CDK12: variants seen among roughly 807,000 people sequenced by gnomAD.
CDK12 encodes the protein cyclin dependent kinase 12, also known as cyclin-dependent kinase 12.
CDK12 carries 17 observed loss-of-function variants against 133.8 expected under a neutral mutation model. The ratio of observed to expected loss-of-function variants is 0.13; its 90% CI spans 0.09 to 0.19. CDK12 has a LOEUF of 0.19. Ranked by LOEUF, CDK12 falls within the 10% of genes least tolerant of loss-of-function variation. The pLI is 1.00. For synonymous variants in CDK12, 694 were observed against 683.6 expected (o/e 1.02, Z -0.24); for missense variants, 1,508 against 1,818.7 (o/e 0.83, Z 3.11).
intron 3 of CDK12, among the ~76,000 whole-genome samples, chr17:39,558,249 C>T (rs1181573063): frequency 6.6e-6 from 1 of 152,176 alleles, no homozygotes; most frequent in Admixed American, 6.5e-5. Flanking sequence ...ATCAGTTACC[C>T]CATTCCTATG....
chr17:39,471,594 A>C lies in CDK12; in HGVS notation c.1762A>C (p.Thr588Pro). ...ASSTSTLPPS[T>P]HSKTSAVSSQ... The stretch of plus-strand genomic sequence containing the variant: ...CAGTACTTCAACTTTGCCCCCTTCT[A>C]CTCACTCAAAGACATCTGCTGTGTC... The change falls in exon 2 of 14, where the codon ACT becomes CCT. Residue 588 changes from threonine to proline, a missense_variant. Thr to Pro is a conservative substitution (Grantham distance 38, BLOSUM62 -1). Transcript: ENST00000447079. The C allele has an allele frequency of 1.2e-6, 2 of 1,613,954 alleles. No individual in the cohort carries two copies. The highest frequency in any genetic ancestry group is 1.7e-6 in the Non-Finnish European group (2 of 1,180,002).
upstream of CDK12, among the ~76,000 whole-genome samples, chr17:39,543,799 A>C (rs2055540994): frequency 6.6e-6 from 1 of 152,072 alleles, no homozygotes; most frequent in African/African-American, 2.4e-5. Flanking sequence ...TTTTTGCCTT[A>C]GAGTCCTTCC....
At position 39,470,710 on chromosome 17, in the gene CDK12, G is replaced by A. The variant is rs11657899; in HGVS notation, c.1047-169G>A. 0.63 allele frequency among the ~76,000 whole-genome samples: 96,025 copies of A among 151,978 alleles called. 33,078 individuals carry two copies. The highest frequency in any genetic ancestry group is 0.89 in the South Asian group (4,291 of 4,824). On this transcript the variant is annotated intron_variant, in intron 1 of 13. Transcript: ENST00000447079. ...ATCTTACATTTAGTCCTGTCTCCTTGGGGTGCCTCTTGATTGGGCTGGTTT... is the reference window on the plus strand; with the variant it reads ...ATCTTACATTTAGTCCTGTCTCCTTAGGGTGCCTCTTGATTGGGCTGGTTT...
intron 6 of CDK12, among the ~76,000 whole-genome samples, chr17:39,502,981 AG>A (rs1255853994): frequency 6.6e-6 from 1 of 152,182 alleles, no homozygotes. Context: ...TGTATTTGAC[AG>A]GGATCAGCAT....
chr17:39,509,015 A>AAT (rs2053313030), intron 6 of CDK12, among the ~76,000 whole-genome samples: 1 of 151,376 alleles, frequency 6.6e-6, no homozygotes, highest in Admixed American at 6.6e-5. Context: ...AAAAAAAAAA[A>AAT]TCAGCAGAGT....
intron 2 of CDK12, among the ~76,000 whole-genome samples, chr17:39,477,950 C>T (rs1291094225): frequency 6.6e-6 from 1 of 152,026 alleles, no homozygotes; most frequent in Non-Finnish European, 1.5e-5. Flanking sequence ...TCGGGGTCTG[C>T]CTGCCTCGGC....
At chr17:39,525,753 A>G (rs2054458504) in intron 12 of CDK12, 111 bp from the exon 13 acceptor site, 1 of 761,424 alleles carries the variant, frequency 1.3e-6, no homozygotes, top group Non-Finnish European at 2.1e-6. Flanking sequence ...TGAGACATTT[A>G]AAATGAAATT....
intron 2 of CDK12, among the ~76,000 whole-genome samples, chr17:39,554,170 C>T (rs928929634): frequency 3.9e-5 from 6 of 152,324 alleles, no homozygotes; most frequent in African/African-American, 1.2e-4. Flanking sequence ...CCTACCCTCA[C>T]TTGCCTGCCC....
chr17:39,488,874 G>A (rs2051344247), intron 2 of CDK12, among the ~76,000 whole-genome samples: 1 of 151,820 alleles, frequency 6.6e-6, no homozygotes, highest in African/African-American at 2.4e-5. Flanking sequence ...CCCCAGGACT[G>A]CCGGTTGCCA....
Position 39,531,185 on chromosome 17 carries a change from A to G in CDK12, c.4342A>G (p.Thr1448Ala). The G allele has an allele frequency of 6.6e-7, 1 of 1,522,360 alleles. No individual in the cohort carries two copies. Among genetic ancestry groups the G allele is most frequent in the Non-Finnish European group, 8.8e-7 (1 of 1,136,656 alleles). The allele number at this position is 1,522,360 out of a possible 1,614,324, so 94.3% of individuals were successfully genotyped here. ...CTATGGGGAGCTGGGGCCAGGAACC[A>G]CTGGGGCCAGCAGCTCAGGAGCAGG... ...QNYGELGPGT[T>A]GASSSGAGLH... The change falls in exon 14 of 14, where the codon ACT becomes GCT. Residue 1448 changes from threonine to alanine, a missense_variant. Around this residue, in one of 9 missense-constraint regions of CDK12, gnomAD observed 114 missense variants for 101.2 expected, o/e 1.13. Coordinates refer to ENST00000447079, the MANE Select transcript of CDK12 (RefSeq NM_016507.4).
intron 8 of CDK12, 103 bp from the exon 9 acceptor site, chr17:39,515,628 T>C: frequency 1.5e-6 from 1 of 671,814 alleles, no homozygotes; most frequent in Non-Finnish European, 2.6e-6. Context: ...GGGCTATTTA[T>C]CTTGGTTGCA....
intron 5 of CDK12, among the ~76,000 whole-genome samples, chr17:39,500,712 A>G (rs1415246480): frequency 6.9e-6 from 1 of 144,216 alleles, no homozygotes; most frequent in African/African-American, 2.5e-5. Flanking sequence ...GTACTAGACT[A>G]GGAATTGAAA....
chr17:39,557,430 G>A (rs2056201870), intron 3 of CDK12, among the ~76,000 whole-genome samples: 1 of 152,108 alleles, frequency 6.6e-6, no homozygotes, highest in Non-Finnish European at 1.5e-5. Context: ...CTGAGAAGAT[G>A]GAGGCATCCT....
chr17:39,501,848 G>GT (rs1038854970), intron 6 of CDK12, among the ~76,000 whole-genome samples: 1,649 of 142,052 alleles, frequency 0.012, 25 homozygotes, highest in African/African-American at 0.036. Context: ...TTTTTGTTTT[G>GT]TTTTTTTTTT....
chr17:39,472,125 A>G (rs539527606), intron 2 of CDK12, among the ~76,000 whole-genome samples: 142 of 152,036 alleles, frequency 9.3e-4, no homozygotes, highest in African/African-American at 3.2e-3. Context: ...CTGGGACTAC[A>G]GGCATGCACC....
intron 13 of CDK12, among the ~76,000 whole-genome samples, chr17:39,528,457 C>G (rs1008720989): frequency 5.3e-5 from 8 of 152,030 alleles, no homozygotes; most frequent in Non-Finnish European, 1.0e-4. Flanking sequence ...CCTCAGCCTC[C>G]TAGTAGCTGG....
chr17:39,495,392 T>G (rs71376554), intron 5 of CDK12, among the ~76,000 whole-genome samples: 2,845 of 132,262 alleles, frequency 0.022, 56 homozygotes, highest in Non-Finnish European at 0.025. Flanking sequence ...GTGTTTTTTT[T>G]TTTTTTTTTT....
intron 9 of CDK12, 120 bp downstream of exon 9, chr17:39,515,928 C>A: frequency 1.6e-6 from 1 of 607,544 alleles, no homozygotes; most frequent in Non-Finnish European, 2.8e-6. Flanking sequence ...GTAAGTTTCT[C>A]TTTACTCAGT....
At chr17:39,489,543 T>C (rs2051410109) in intron 2 of CDK12, among the ~76,000 whole-genome samples, 1 of 146,960 alleles carries the variant, frequency 6.8e-6, no homozygotes, top group Non-Finnish European at 1.5e-5. Context: ...TTCATACTGT[T>C]GCCTGGGCTG....
Sources: gnomAD v4.1 joint callset for allele counts (sites outside exome capture counted in the v4.1 genomes callset) on GRCh38, gnomAD v4.1.1 for gene constraint, gnomAD v4.1.1 regional missense constraint, MANE v1.5 for transcripts, NCBI Gene and HGNC (gene_info 2026-07-23, HGNC 2026-07-21) for gene names.